The following BRD10 variants were observed in gnomAD, a reference collection of about 807,000 sequenced individuals.
BRD10 encodes bromodomain containing 10, also known as uncharacterized bromodomain-containing protein 10.
At chr9:5,975,416 G>A in the BRD10 span, among the ~76,000 whole-genome samples, 1 of 134,144 alleles carries the variant, frequency 7.5e-6, no homozygotes, top group African/African-American at 3.1e-5. Flanking sequence ...TCCAGCATGG[G>A]CAACAAGAGT....
At chr9:5,949,476 G>C in the BRD10 span, among the ~76,000 whole-genome samples, 23 of 152,314 alleles carry the variant, frequency 1.5e-4, no homozygotes, top group Admixed American at 5.9e-4. Flanking sequence ...CCATTGGTTA[G>C]ATGGAGAAGT....
the BRD10 span, among the ~76,000 whole-genome samples, chr9:5,912,125 T>C: frequency 6.6e-6 from 1 of 152,220 alleles, no homozygotes; most frequent in African/African-American, 2.4e-5. Flanking sequence ...AGATATTTTA[T>C]TTTATTTGCA....
chr9:5,921,647 G>A, the BRD10 span: 58 of 1,613,796 alleles, frequency 3.6e-5, no homozygotes, highest in Admixed American at 9.3e-4. Context: ...CCTTGTAACA[G>A]GGTAACTTTT....
At chr9:5,889,603 G>A in the BRD10 span, among the ~76,000 whole-genome samples, 1 of 152,070 alleles carries the variant, frequency 6.6e-6, no homozygotes, top group African/African-American at 2.4e-5. Context: ...TGGCCAACAT[G>A]GTGAAACCCT....
chr9:5,984,358 T>C, the BRD10 span, among the ~76,000 whole-genome samples: 2 of 152,166 alleles, frequency 1.3e-5, no homozygotes, highest in African/African-American at 2.4e-5. Flanking sequence ...AGGCATACTG[T>C]CAAGTGGTAC....
chr9:6,008,332 A>C, the BRD10 span: 4 of 984,892 alleles, frequency 4.1e-6, no homozygotes, highest in Non-Finnish European at 4.8e-6. Context: ...GCCCGGCGAC[A>C]ACTGTCAGTT....
At chr9:6,000,383 G>T in the BRD10 span, among the ~76,000 whole-genome samples, 1 of 152,020 alleles carries the variant, frequency 6.6e-6, no homozygotes, top group South Asian at 2.1e-4. Flanking sequence ...AAATGAAAAT[G>T]GCTATTATTT....
At chr9:5,988,560 A>G in the BRD10 span, 1 of 1,600,232 alleles carries the variant, frequency 6.2e-7, no homozygotes, top group Non-Finnish European at 8.6e-7. Flanking sequence ...GAGAAGAATA[A>G]GTCAATTCAC....
At chr9:5,936,154 G>A in the BRD10 span, among the ~76,000 whole-genome samples, 2 of 152,032 alleles carry the variant, frequency 1.3e-5, no homozygotes, top group Admixed American at 1.3e-4. Context: ...CAAAGAGTTC[G>A]AGACTAGTCT....
chr9:5,934,647 C>G, the BRD10 span, among the ~76,000 whole-genome samples: 1 of 151,830 alleles, frequency 6.6e-6, no homozygotes, highest in Non-Finnish European at 1.5e-5. Flanking sequence ...ATTACAGACA[C>G]GAGCCACTGC....
the BRD10 span, chr9:5,968,125 T>C: frequency 1.3e-6 from 2 of 1,577,724 alleles, no homozygotes; most frequent in South Asian, 2.3e-5. Context: ...CTTCACGCTT[T>C]CTCTGTAAGT....
the BRD10 span, among the ~76,000 whole-genome samples, chr9:5,957,075 C>G: frequency 6.6e-6 from 1 of 152,010 alleles, no homozygotes; most frequent in African/African-American, 2.4e-5. Flanking sequence ...AAACAATTCA[C>G]CAAAGAGTTT....
chr9:5,981,422 T>A, the BRD10 span, among the ~76,000 whole-genome samples: 3 of 152,308 alleles, frequency 2.0e-5, no homozygotes, highest in Admixed American at 2.0e-4. Context: ...CTTTGAAATA[T>A]CCTAATTTGA....
At chr9:5,915,282 G>T in the BRD10 span, among the ~76,000 whole-genome samples, 5 of 151,848 alleles carry the variant, frequency 3.3e-5, no homozygotes, top group Middle Eastern at 3.4e-3. Context: ...TATCCTGACT[G>T]GTCTCCCTGT....
the BRD10 span, among the ~76,000 whole-genome samples, chr9:5,944,717 C>A: frequency 2.6e-5 from 4 of 151,968 alleles, no homozygotes; most frequent in Non-Finnish European, 5.9e-5. Flanking sequence ...GAAAACTAGA[C>A]CACACAGGAG....
At chr9:5,935,193 A>T in the BRD10 span, among the ~76,000 whole-genome samples, 1 of 152,214 alleles carries the variant, frequency 6.6e-6, no homozygotes, top group Non-Finnish European at 1.5e-5. Context: ...TGATACTCTT[A>T]CCAATTTTTA....
the BRD10 span, chr9:6,008,125 G>A: frequency 2.0e-6 from 2 of 984,098 alleles, no homozygotes; most frequent in South Asian, 4.7e-5. Context: ...GGCCCTGCCG[G>A]GTCGCCGCGG....
At chr9:5,941,373 C>T in the BRD10 span, among the ~76,000 whole-genome samples, 2 of 152,048 alleles carry the variant, frequency 1.3e-5, no homozygotes, top group Non-Finnish European at 2.9e-5. Flanking sequence ...TTCTTTAGAT[C>T]ATGAAAGAAT....
the BRD10 span, chr9:5,922,141 T>A: frequency 6.8e-6 from 11 of 1,613,990 alleles, no homozygotes; most frequent in Non-Finnish European, 9.3e-6. Flanking sequence ...TGTTCCCACC[T>A]CGTGTCCTAA....
Sources: allele counts gnomAD v4.1 joint callset (sites outside exome capture counted in the v4.1 genomes callset), GRCh38; gene constraint gnomAD v4.1.1; transcripts MANE v1.5; gene names NCBI Gene and HGNC (gene_info 2026-07-23, HGNC 2026-07-21).